EGR3: variants seen among roughly 807,000 people sequenced by gnomAD.
EGR3 encodes the protein early growth response 3.
A neutral mutation model predicts 22.4 loss-of-function variants in EGR3; 4 were observed. The observed-to-expected ratio is 0.18, with a 90% CI of 0.09 to 0.41. EGR3 has a LOEUF of 0.41. Ranked by LOEUF, EGR3 falls within the 10% of genes least tolerant of loss-of-function variation. The pLI, the probability that EGR3 is intolerant of heterozygous loss-of-function variation, is 1.00. For missense variants in EGR3, 315 were observed against 541.3 expected (o/e 0.58, Z 4.15); for synonymous variants, 219 against 226.8 (o/e 0.97, Z 0.31).
At position 22,691,421 on chromosome 8, in the gene EGR3, G is replaced by C; in HGVS notation, c.216C>G (p.Gly72=). 6.2e-7 allele frequency: 1 copy of C among 1,614,182 alleles called. No homozygotes were observed. Among genetic ancestry groups the C allele is most frequent in the Non-Finnish European group, 8.5e-7 (1 of 1,180,032 alleles). The change falls in exon 2 of 2, where the codon GGC becomes GGG. Residue 72 remains glycine (G), a synonymous_variant. Transcript: ENST00000317216. ...EKPNPELSYS[G]SFQPAPGNKT... Reference sequence around the variant, plus strand: ...TGTTGCCGGGGGCTGGCTGGAAGGAGCCGGAGTAAGAGAGTTCCGGGTTGG... The same window carrying C: ...TGTTGCCGGGGGCTGGCTGGAAGGACCCGGAGTAAGAGAGTTCCGGGTTGG...
In EGR3 at chr8:22,692,256, C is replaced by A; in HGVS notation, c.154+535G>T. 3 of 1,501,954 alleles carry A rather than the reference C, an allele frequency of 2.0e-6. No individual in the cohort carries two copies. The highest frequency in any genetic ancestry group is 2.7e-5 in the East Asian group (1 of 36,510). The allele number at this position is 1,501,954 out of a possible 1,614,324, so 93.0% of individuals were successfully genotyped here. ...CCTCCTTCTCCCCGCCGTCCCCACA[C>A]CCCCACGGCTTTGCTGAACGCCCCG... On this transcript the variant is annotated intron_variant, in intron 1 of 1. Coordinates refer to ENST00000317216, the MANE Select transcript of EGR3 (RefSeq NM_004430.3). The surrounding 1 kb of genome is among the most constrained non-coding windows in gnomAD (Gnocchi z 6.2).
Position 22,690,914 on chromosome 8 carries a change from C to G in EGR3, c.723G>C (p.Pro241=). The G allele has an allele frequency of 6.4e-7, 1 of 1,572,038 alleles. No homozygotes were observed. Among genetic ancestry groups the G allele is most frequent in the Non-Finnish European group, 8.6e-7 (1 of 1,157,002 alleles). Residue 241 remains proline (P), a synonymous_variant, in exon 2 of 2, where the codon CCG becomes CCC. Coordinates refer to ENST00000317216, the MANE Select transcript of EGR3 (RefSeq NM_004430.3). ...GCGGCTGGGGCAGGCTGCCAAAGCC[C>G]GGGTGGATCTGCTTGTCTTTGAATG... is the stretch of plus-strand genomic sequence containing the variant. ...IKAFKDKQIH[P]GFGSLPQPPL...
chr8:22,690,455 G>T lies in EGR3; in HGVS notation c.*18C>A, dbSNP rs762696657. On this transcript the variant is annotated 3_prime_UTR_variant, in exon 2 of 2. Transcript: ENST00000317216. ...GGAGGCACTGGAGGGGAAAAGTGGGGATCTGGGGGCCCGATCCTCAGGCGC... is the reference window on the plus strand; with the variant it reads ...GGAGGCACTGGAGGGGAAAAGTGGGTATCTGGGGGCCCGATCCTCAGGCGC... 1.9e-6 allele frequency: 3 copies of T among 1,582,808 alleles called. No individual in the cohort carries two copies. The highest frequency in any genetic ancestry group is 1.1e-5 in the South Asian group (1 of 88,922).
At position 22,692,406 on chromosome 8, in the gene EGR3, C is replaced by A; in HGVS notation, c.154+385G>T. ...GGTGAAAAAGACGCCGGGCTCCTCCCGGGAAGAGGGCGACAGCACCACGCC... is the reference window on the plus strand; with the variant it reads ...GGTGAAAAAGACGCCGGGCTCCTCCAGGGAAGAGGGCGACAGCACCACGCC... On this transcript the variant is annotated intron_variant, in intron 1 of 1. Coordinates refer to ENST00000317216, the MANE Select transcript of EGR3 (RefSeq NM_004430.3). This position sits in a 1 kb window ranked among gnomAD's most constrained non-coding sequence, Gnocchi z 6.2. The A allele has an allele frequency of 6.9e-7, 1 of 1,440,924 alleles. No individual in the cohort carries two copies. The highest frequency in any genetic ancestry group is 9.1e-7 in the Non-Finnish European group (1 of 1,103,154). The allele number at this position is 1,440,924 out of a possible 1,614,324, so 89.3% of individuals were successfully genotyped here.
Position 22,691,271 on chromosome 8 carries a change from C to G in EGR3, c.366G>C (p.Thr122=), listed in dbSNP as rs765604099. ...GVPPASGALS[T]QTSTASMVQP... ...GCACCATGCTGGCCGTGGACGTCTG[C>G]GTGCTGAGCGCCCCTGAAGCCGGGG... Residue 122 remains threonine, a synonymous_variant, in exon 2 of 2, where the codon ACG becomes ACC. Transcript: ENST00000317216. 6.2e-7 allele frequency: 1 copy of G among 1,613,990 alleles called. No individual in the cohort carries two copies. The highest frequency in any genetic ancestry group is 8.5e-7 in the Non-Finnish European group (1 of 1,180,010).
At position 22,691,385 on chromosome 8, in the gene EGR3, G is replaced by A. The variant is rs577590553; in HGVS notation, c.252C>T (p.Thr84=). The part of the protein sequence containing the change: ...FQPAPGNKTV[T]YLGKFAFDSP... ...AGTCGAAGGCGAACTTTCCCAAGTA[G>A]GTCACGGTCTTGTTGCCGGGGGCTG... The change falls in exon 2 of 2, where the codon ACC becomes ACT. Residue 84 remains threonine (T), a synonymous_variant. Coordinates refer to ENST00000317216, the MANE Select transcript of EGR3 (RefSeq NM_004430.3). 11 of 1,614,174 alleles carry A rather than the reference G, an allele frequency of 6.8e-6. No individual in the cohort carries two copies. In the Admixed American group the frequency reaches 8.3e-5, roughly 12 times the overall value.
At position 22,692,018 on chromosome 8, in the gene EGR3, G is replaced by T. The variant is rs1049312873; in HGVS notation, c.155-536C>A. ...GCGTAGAAGGGTGTCGCCCTCAAAG[G>T]GAGCTCTCCCTTCACCTACCCCGGC... On this transcript the variant is annotated intron_variant, in intron 1 of 1. Coordinates refer to ENST00000317216, the MANE Select transcript of EGR3 (RefSeq NM_004430.3). This position sits in a 1 kb window ranked among gnomAD's most constrained non-coding sequence, Gnocchi z 6.2. 7.7e-7 allele frequency: 1 copy of T among 1,297,910 alleles called. No individual in the cohort carries two copies. The highest frequency in any genetic ancestry group is 1.5e-5 in the African/African-American group (1 of 64,766). The allele number at this position is 1,297,910 out of a possible 1,614,324, so 80.4% of individuals were successfully genotyped here.
chr8:22,687,830 T>C lies in EGR3; in HGVS notation c.*2643A>G, dbSNP rs1803817523. Reference sequence around the variant, plus strand: ...ATTTCGGTTTTTAAAAATGCTGTTTTCATTAACTATATTATATTGGCATTA... The same window carrying C: ...ATTTCGGTTTTTAAAAATGCTGTTTCCATTAACTATATTATATTGGCATTA... On this transcript the variant is annotated 3_prime_UTR_variant, in exon 2 of 2. Coordinates refer to ENST00000317216, the MANE Select transcript of EGR3 (RefSeq NM_004430.3). The surrounding 1 kb of genome is among the most constrained non-coding windows in gnomAD (Gnocchi z 4.7). The C allele has an allele frequency of 6.5e-6, 1 of 152,692 alleles. No homozygotes were observed. Among genetic ancestry groups the C allele is most frequent in the Admixed American group, 6.5e-5 (1 of 15,290 alleles). The allele number at this position is 152,692 out of a possible 1,614,324, so 9.5% of individuals were successfully genotyped here. A position where few individuals can be genotyped will look rare whatever the true frequency, so the allele number is the denominator to read the frequency against.
Position 22,690,674 on chromosome 8 carries a change from G to T in EGR3, c.963C>A (p.Thr321=). ...CGCCCGTATGAGTGCGGATGTGAGT[G>T]GTGAGGTGGTCGCTGCGGCTGAAGC... is the stretch of plus-strand genomic sequence containing the variant. The part of the protein sequence containing the change: ...MRSFSRSDHL[T]THIRTHTGEK... Residue 321 remains threonine (T), a synonymous_variant, in exon 2 of 2, where the codon ACC becomes ACA. Coordinates refer to ENST00000317216, the MANE Select transcript of EGR3 (RefSeq NM_004430.3). 1 of 1,614,074 alleles carries T rather than the reference G, an allele frequency of 6.2e-7. No homozygotes were observed. The highest frequency in any genetic ancestry group is 8.5e-7 in the Non-Finnish European group (1 of 1,179,916).
Position 22,690,278 on chromosome 8 carries a change from C to G in EGR3, c.*195G>C, listed in dbSNP as rs968837532. ...GGGGGACCGCGAGGGGAAGGCGCCTCCAGCCCTGGCCCCTGACCGCTGGCC... is the reference window on the plus strand; with the variant it reads ...GGGGGACCGCGAGGGGAAGGCGCCTGCAGCCCTGGCCCCTGACCGCTGGCC... On this transcript the variant is annotated 3_prime_UTR_variant, in exon 2 of 2. Transcript: ENST00000317216. 1.7e-6 allele frequency: 1 copy of G among 592,072 alleles called. No homozygotes were observed. Among genetic ancestry groups the G allele is most frequent in the South Asian group, 2.2e-5 (1 of 45,520 alleles). 36.7% of individuals were successfully genotyped at this position (592,072 alleles called of 1,614,324 possible).
chr8:22,691,459 T>C lies in EGR3; in HGVS notation c.178A>G (p.Thr60Ala), dbSNP rs1229393798. 1 of 1,613,892 alleles carries C rather than the reference T, an allele frequency of 6.2e-7. No homozygotes were observed. Among genetic ancestry groups the C allele is most frequent in the Non-Finnish European group, 8.5e-7 (1 of 1,179,950 alleles). Residue 60 changes from threonine to alanine, a missense_variant, in exon 2 of 2, where the codon ACC becomes GCC. This residue lies in a region of EGR3 where 227 missense variants were observed against 303.6 expected (regional missense o/e 0.75). Transcript: ENST00000317216. Reference sequence around the variant, plus strand: ...AGTTCCGGGTTGGGCTTCTCGTTGGTCAGACCGATGTCCATTACATTCTCT... The same window carrying C: ...AGTTCCGGGTTGGGCTTCTCGTTGGCCAGACCGATGTCCATTACATTCTCT... ...ATENVMDIGLTNEKPNPELSY... is the reference protein window; with the variant it reads ...ATENVMDIGLANEKPNPELSY...
At chr8:22,691,908 C>A in intron 1 of EGR3, 1 of 1,223,526 alleles carries the variant, frequency 8.2e-7, no homozygotes, top group Non-Finnish European at 1.0e-6. Context: ...TCCAGGACGC[C>A]GCGCCTTTCC....
chr8:22,691,254 C>T lies in EGR3; in HGVS notation c.383G>A (p.Ser128Asn). 1 of 1,613,990 alleles carries T rather than the reference C, an allele frequency of 6.2e-7. No individual in the cohort carries two copies. Among genetic ancestry groups the T allele is most frequent in the Non-Finnish European group, 8.5e-7 (1 of 1,180,016 alleles). The change falls in exon 2 of 2, where the codon AGC becomes AAC. Residue 128 changes from serine to asparagine, a missense_variant. Physicochemically the swap from Ser to Asn is conservative, Grantham distance 46 (BLOSUM62 1). Around this residue, in one of 4 missense-constraint regions of EGR3, gnomAD observed 227 missense variants for 303.6 expected, o/e 0.75. Transcript: ENST00000317216. ...GALSTQTSTA[S>N]MVQPPQGDVE... ...GTCACCCTGCGGTGGCTGCACCATG[C>T]TGGCCGTGGACGTCTGCGTGCTGAG...
chr8:22,692,112 G>C lies in EGR3; in HGVS notation c.155-630C>G, dbSNP rs1000672938. ...GGGGAAAATCCTAGCCCCAGCTAGG[G>C]AGGGTGGAGAGCGGCGGAAAACCGG... On this transcript the variant is annotated intron_variant, in intron 1 of 1. Coordinates refer to ENST00000317216, the MANE Select transcript of EGR3 (RefSeq NM_004430.3). This position sits in a 1 kb window ranked among gnomAD's most constrained non-coding sequence, Gnocchi z 6.2. 2 of 1,365,604 alleles carry C rather than the reference G, an allele frequency of 1.5e-6. No homozygotes were observed. Among genetic ancestry groups the C allele is most frequent in the Admixed American group, 3.6e-5 (1 of 27,716 alleles). The allele number at this position is 1,365,604 out of a possible 1,614,324, so 84.6% of individuals were successfully genotyped here.
chr8:22,689,769 G>C lies in EGR3; in HGVS notation c.*704C>G, dbSNP rs950495639. On this transcript the variant is annotated 3_prime_UTR_variant, in exon 2 of 2. Coordinates refer to ENST00000317216, the MANE Select transcript of EGR3 (RefSeq NM_004430.3). ...CATTTCTCTAAGAAACATGATTTCA[G>C]AGCGGATGGAAGACCACCTCCTCCA... 1 of 152,724 alleles carries C rather than the reference G, an allele frequency of 6.5e-6. No individual in the cohort carries two copies. Among genetic ancestry groups the C allele is most frequent in the African/African-American group, 2.4e-5 (1 of 41,460 alleles). 9.5% of individuals were successfully genotyped at this position (152,724 alleles called of 1,614,324 possible).
Position 22,692,998 on chromosome 8 carries a change from T to C in EGR3, c.-54A>G. ...CACCGCCGCCACCGCCGCCGCTCGC[T>C]CCTAACGCAGCTTCCAGGCAAGCGG... On this transcript the variant is annotated 5_prime_UTR_variant, in exon 1 of 2. Transcript: ENST00000317216. This position sits in a 1 kb window ranked among gnomAD's most constrained non-coding sequence, Gnocchi z 6.2. 1.3e-6 allele frequency: 2 copies of C among 1,516,302 alleles called. No homozygotes were observed. Among genetic ancestry groups the C allele is most frequent in the Non-Finnish European group, 1.8e-6 (2 of 1,136,422 alleles). 93.9% of individuals were successfully genotyped at this position (1,516,302 alleles called of 1,614,324 possible).
chr8:22,691,866 A>G (rs1803976833), intron 1 of EGR3: 1 of 985,182 alleles, frequency 1.0e-6, no homozygotes, highest in Non-Finnish European at 1.2e-6. Flanking sequence ...TCCACCGCAC[A>G]CAACTCGGCC....
In EGR3 at chr8:22,691,245, T is replaced by C; in HGVS notation, c.392A>G (p.Gln131Arg). 1.9e-6 allele frequency: 3 copies of C among 1,613,946 alleles called. No individual in the cohort carries two copies. Among genetic ancestry groups the C allele is most frequent in the Non-Finnish European group, 2.5e-6 (3 of 1,180,002 alleles). The change falls in exon 2 of 2, where the codon CAG (glutamine) becomes CGG (arginine). Residue 131 changes from glutamine to arginine, a missense_variant. By Grantham distance (43) the Gln-to-Arg change is conservative. Transcript: ENST00000317216. ...STQTSTASMV[Q>R]PPQGDVEAMY... ...GGCCTCCACGTCACCCTGCGGTGGC[T>C]GCACCATGCTGGCCGTGGACGTCTG...
Position 22,692,108 on chromosome 8 carries a change from T to TA in EGR3, c.155-627dup. 7.3e-7 allele frequency: 1 copy of TA among 1,363,916 alleles called. No individual in the cohort carries two copies. Among genetic ancestry groups the TA allele is most frequent in the Non-Finnish European group, 9.4e-7 (1 of 1,062,976 alleles). 84.5% of individuals were successfully genotyped at this position (1,363,916 alleles called of 1,614,324 possible). On this transcript the variant is annotated intron_variant, in intron 1 of 1. Transcript: ENST00000317216. This position sits in a 1 kb window ranked among gnomAD's most constrained non-coding sequence, Gnocchi z 6.2. Reference sequence around the variant, plus strand: ...TGGAGGGGAAAATCCTAGCCCCAGCTAGGGAGGGTGGAGAGCGGCGGAAAA... The same window carrying TA: ...TGGAGGGGAAAATCCTAGCCCCAGCTAAGGGAGGGTGGAGAGCGGCGGAAAA...
Sources: gnomAD v4.1 joint callset for allele counts on GRCh38, gnomAD v4.1.1 for gene constraint, gnomAD v4.1.1 regional missense constraint, Gnocchi (gnomAD v3.1) non-coding constraint, MANE v1.5 for transcripts, NCBI Gene and HGNC (gene_info 2026-07-23, HGNC 2026-07-21) for gene names.